SH3RF1: variants seen among roughly 807,000 people sequenced by gnomAD.
SH3RF1 encodes E3 ubiquitin-protein ligase SH3RF1.
SH3RF1 carries 32 observed loss-of-function variants against 74.0 expected under a neutral mutation model. The observed-to-expected ratio is 0.43, with a 90% confidence interval of 0.33 to 0.58. The LOEUF (loss-of-function observed/expected upper bound fraction) is 0.58, where lower values mean the gene tolerates loss of function less well. Among genes scored for constraint, SH3RF1 ranks in the 20% least tolerant of loss-of-function variants. The probability of loss-of-function intolerance (pLI) is 0.05; values close to 1 mark genes in which losing one functional copy is unlikely to be tolerated. For missense variants in SH3RF1, 954 were observed against 1,130.9 expected (o/e 0.84, Z 2.24); for synonymous variants, 396 against 439.6 (o/e 0.90, Z 1.24).
intron 2 of SH3RF1, among the ~76,000 whole-genome samples, chr4:169,164,177 T>C (rs1330333152): frequency 1.3e-5 from 2 of 152,244 alleles, no homozygotes; most frequent in Non-Finnish European, 2.9e-5. Context: ...CCTGCTAGAC[T>C]GTAACCTCCT....
At chr4:169,190,702 A>G (rs551079845) in intron 2 of SH3RF1, among the ~76,000 whole-genome samples, 1 of 152,302 alleles carries the variant, frequency 6.6e-6, no homozygotes, top group Non-Finnish European at 1.5e-5. Context: ...GAAAGAGGGA[A>G]CCCTCCCTAA....
chr4:169,222,211 C>A (rs1045006144), intron 2 of SH3RF1, among the ~76,000 whole-genome samples: 3 of 152,146 alleles, frequency 2.0e-5, no homozygotes, highest in African/African-American at 7.2e-5. Context: ...CGCCTGTAAT[C>A]CTAGCACTTT....
chr4:169,136,634 C>G lies in SH3RF1; in HGVS notation c.766-14G>C. The G allele has an allele frequency of 2.0e-6, 3 of 1,477,906 alleles. No homozygotes were observed. The highest frequency in any genetic ancestry group is 2.4e-5 in the East Asian group (1 of 41,162). The allele number at this position is 1,477,906 out of a possible 1,614,324, so 91.5% of individuals were successfully genotyped here. ...AGCCGAGTTAAACTGCAAAAGCAAC[C>G]AACAAACCAACACAAGAAGGTTAAA... On this transcript the variant is annotated splice_polypyrimidine_tract_variant and intron_variant, in intron 4 of 11. Transcript: ENST00000284637.
Position 169,116,606 on chromosome 4 carries a change from G to A in SH3RF1, c.1802C>T (p.Pro601Leu), listed in dbSNP as rs1733338663. The change falls in exon 10 of 12, where the codon CCC becomes CTC. Residue 601 changes from proline to leucine, a missense_variant. Pro to Leu is a moderately conservative substitution (Grantham distance 98, BLOSUM62 -3). Transcript: ENST00000284637. ...RTVAAHNQERPTAAVTPIQVQ... is the reference protein window; with the variant it reads ...RTVAAHNQERLTAAVTPIQVQ... ...CTGGATGGGTGTCACTGCTGCCGTG[G>A]GGCGTTCCTGGTTGTGCGCTGCAAC... The A allele has an allele frequency of 1.3e-6, 2 of 1,556,350 alleles. No individual in the cohort carries two copies. Among genetic ancestry groups the A allele is most frequent in the Admixed American group, 3.6e-5 (2 of 55,364 alleles).
chr4:169,176,744 T>C (rs1463292397), intron 2 of SH3RF1, among the ~76,000 whole-genome samples: 2 of 152,162 alleles, frequency 1.3e-5, no homozygotes, highest in Non-Finnish European at 2.9e-5. Context: ...GTTTTACATG[T>C]TGGCTAGGCT....
Position 169,122,281 on chromosome 4 carries a change from A to G in SH3RF1, c.1180-15T>C, listed in dbSNP as rs764011208. 1.9e-6 allele frequency: 3 copies of G among 1,559,280 alleles called. No homozygotes were observed. Among genetic ancestry groups the G allele is most frequent in the Admixed American group, 1.9e-5 (1 of 51,580 alleles). On this transcript the variant is annotated splice_polypyrimidine_tract_variant and intron_variant, in intron 6 of 11. Transcript: ENST00000284637. Reference sequence around the variant, plus strand: ...GGATTCAAAGTCTAGTATAGGAAAAACATAAAGAGAAAGGGAAAAAAGGGA... The same window carrying G: ...GGATTCAAAGTCTAGTATAGGAAAAGCATAAAGAGAAAGGGAAAAAAGGGA...
chr4:169,102,756 AC>A (rs1303617017), intron 11 of SH3RF1, among the ~76,000 whole-genome samples: 1 of 152,076 alleles, frequency 6.6e-6, no homozygotes, highest in Non-Finnish European at 1.5e-5. Flanking sequence ...TCTAACAAAC[AC>A]AGAAGAATCC....
chr4:169,187,337 T>G (rs1245965213), intron 2 of SH3RF1, among the ~76,000 whole-genome samples: 2 of 152,108 alleles, frequency 1.3e-5, no homozygotes, highest in African/African-American at 4.8e-5. Context: ...GAGACTAAGA[T>G]GCACGTCACC....
At chr4:169,171,306 G>A (rs143370600) in intron 2 of SH3RF1, among the ~76,000 whole-genome samples, 225 of 152,256 alleles carry the variant, frequency 1.5e-3, no homozygotes, top group African/African-American at 5.1e-3. Context: ...AACCTATTAT[G>A]GTTGGGGGAA....
intron 4 of SH3RF1, among the ~76,000 whole-genome samples, chr4:169,153,745 T>C (rs1428469181): frequency 6.6e-6 from 1 of 152,204 alleles, no homozygotes; most frequent in Non-Finnish European, 1.5e-5. Context: ...ACAGCTTGTT[T>C]ACCACATCTC....
At position 169,120,230 on chromosome 4, in the gene SH3RF1, A is replaced by C. The variant is rs539119365; in HGVS notation, c.1517+589T>G. Among the ~76,000 whole-genome samples, 352 of 152,348 alleles carry C rather than the reference A, an allele frequency of 2.3e-3. 2 individuals carry two copies. In the South Asian group the frequency reaches 0.023, roughly 10 times the overall value. On this transcript the variant is annotated intron_variant, in intron 8 of 11. Transcript: ENST00000284637. ...TTGAGAAGGATCTATGCTATACTTAAAATTTTTATTTCTGACTATATTATA... is the reference window on the plus strand; with the variant it reads ...TTGAGAAGGATCTATGCTATACTTACAATTTTTATTTCTGACTATATTATA...
intron 2 of SH3RF1, among the ~76,000 whole-genome samples, chr4:169,230,190 C>T (rs1730713169): frequency 6.6e-6 from 1 of 152,162 alleles, no homozygotes; most frequent in Non-Finnish European, 1.5e-5. Flanking sequence ...CTAAATGAGA[C>T]TCTGTCTCAA....
chr4:169,142,843 T>C (rs1733807924), intron 4 of SH3RF1, among the ~76,000 whole-genome samples: 1 of 152,236 alleles, frequency 6.6e-6, no homozygotes, highest in Non-Finnish European at 1.5e-5. Context: ...TGCAAAATGG[T>C]CCATAATGGC....
chr4:169,175,761 T>C (rs1052451730), intron 2 of SH3RF1, among the ~76,000 whole-genome samples: 1 of 152,210 alleles, frequency 6.6e-6, no homozygotes, highest in African/African-American at 2.4e-5. Flanking sequence ...CACAGGCCTA[T>C]ATCCATACCT....
At chr4:169,191,535 A>G (rs1392899478) in intron 2 of SH3RF1, among the ~76,000 whole-genome samples, 1 of 152,218 alleles carries the variant, frequency 6.6e-6, no homozygotes, top group Non-Finnish European at 1.5e-5. Context: ...GAGGAATTAG[A>G]AAAAACAATT....
At chr4:169,131,903 C>G (rs1241525211) in intron 5 of SH3RF1, among the ~76,000 whole-genome samples, 1 of 152,192 alleles carries the variant, frequency 6.6e-6, no homozygotes, top group East Asian at 1.9e-4. Flanking sequence ...TGGTTGCTTT[C>G]CCCAACTACT....
chr4:169,201,897 T>C (rs1484181533), intron 2 of SH3RF1: 3 of 152,216 alleles, frequency 2.0e-5, no homozygotes, highest in African/African-American at 4.8e-5. Flanking sequence ...ACAGGATACT[T>C]GGTCCAAACT....
At chr4:169,143,832 T>C (rs1189957809) in intron 4 of SH3RF1, among the ~76,000 whole-genome samples, 1 of 152,210 alleles carries the variant, frequency 6.6e-6, no homozygotes, top group East Asian at 1.9e-4. Flanking sequence ...CCCTAGCTGT[T>C]AAAAACAAAA....
intron 6 of SH3RF1, among the ~76,000 whole-genome samples, chr4:169,124,480 T>G (rs575296436): frequency 1.3e-5 from 2 of 152,230 alleles, no homozygotes; most frequent in Non-Finnish European, 2.9e-5. Context: ...AGATATGGCA[T>G]CAAAGAGGAT....
Sources: allele counts gnomAD v4.1 joint callset (sites outside exome capture counted in the v4.1 genomes callset), GRCh38; gene constraint gnomAD v4.1.1; transcripts MANE v1.5; gene names NCBI Gene and HGNC (gene_info 2026-07-23, HGNC 2026-07-21).